Variants in STPG2 observed in about 807,000 individuals in gnomAD.
STPG2 encodes sperm tail PG-rich repeat containing 2.
STPG2 carries 56 observed loss-of-function variants against 54.2 expected under a neutral mutation model. The observed-to-expected ratio is 1.03, with a 90% CI of 0.83 to 1.29. STPG2 has a LOEUF of 1.29. STPG2 is among the 50% of genes most tolerant of loss of function. STPG2 has a pLI of 0.00. For synonymous variants in STPG2, 200 were observed against 181.8 expected (o/e 1.10, Z -0.81); for missense variants, 596 against 544.9 (o/e 1.09, Z -0.93).
rs370002134 is a variant in STPG2, at chr4:98,070,977, C to T, written c.612+34976G>A. ...TTCAATGCTATTCCCATTAAACTAC[C>T]ATTTACATGTTTAGGGGCTCTCTGG... On this transcript the variant is annotated intron_variant, in intron 5 of 10. Transcript: ENST00000295268. Among the ~76,000 whole-genome samples the T allele has an allele frequency of 1.2e-4, 18 of 152,058 alleles. 2 individuals are homozygous for T. The highest frequency in any genetic ancestry group is 7.9e-4 in the Admixed American group (12 of 15,258).
intron 8 of STPG2, among the ~76,000 whole-genome samples, chr4:97,851,685 T>C (rs995639327): frequency 9.9e-5 from 15 of 152,172 alleles, no homozygotes; most frequent in Admixed American, 7.2e-4. Context: ...GTACTAACTT[T>C]CACAAAATCA....
At chr4:97,891,679 C>T (rs116596177) in intron 8 of STPG2, among the ~76,000 whole-genome samples, 3 of 151,898 alleles carry the variant, frequency 2.0e-5, no homozygotes, top group Non-Finnish European at 4.4e-5. Flanking sequence ...GAAAAAAAAT[C>T]TTAAAGAAAA....
chr4:97,880,731 C>T (rs1455460856), intron 8 of STPG2, among the ~76,000 whole-genome samples: 1 of 151,916 alleles, frequency 6.6e-6, no homozygotes, highest in African/African-American at 2.4e-5. Flanking sequence ...AGCATTTTTG[C>T]ATTTTTGCAT....
At chr4:97,753,695 T>G (rs913723637) in intron 9 of STPG2, among the ~76,000 whole-genome samples, 1 of 152,036 alleles carries the variant, frequency 6.6e-6, no homozygotes, top group African/African-American at 2.4e-5. Flanking sequence ...ATTTTCCATT[T>G]TTTGTATTAT....
chr4:97,562,195 T>C (rs1732270877), intron 10 of STPG2, among the ~76,000 whole-genome samples: 1 of 152,174 alleles, frequency 6.6e-6, no homozygotes, highest in South Asian at 2.1e-4. Context: ...TTTATTCTCT[T>C]TGAAGCAATT....
chr4:97,741,028 G>A (rs11097578), intron 9 of STPG2, among the ~76,000 whole-genome samples: 59,006 of 151,810 alleles, frequency 0.39, 11,601 homozygotes, highest in Middle Eastern at 0.45. Flanking sequence ...TAGATCAATG[G>A]AACAGAACAG....
chr4:97,712,609 A>G (rs1380551655), intron 10 of STPG2, 90 bp downstream of exon 10: 4 of 833,740 alleles, frequency 4.8e-6, no homozygotes, highest in Non-Finnish European at 6.8e-6. Context: ...AATAAAATAT[A>G]TGGAAAGGAC....
chr4:98,113,839 T>G (rs905718768), intron 3 of STPG2, among the ~76,000 whole-genome samples: 1 of 151,996 alleles, frequency 6.6e-6, no homozygotes, highest in Admixed American at 6.6e-5. Flanking sequence ...TACACTACTT[T>G]GGAATTCCTA....
intron 8 of STPG2, among the ~76,000 whole-genome samples, chr4:97,922,769 A>G (rs941751533): frequency 9.2e-5 from 14 of 152,338 alleles, no homozygotes; most frequent in African/African-American, 3.1e-4. Flanking sequence ...ATAGGCTTCT[A>G]CATTCTGGAA....
At chr4:97,689,602 A>G (rs1261184510) in intron 10 of STPG2, among the ~76,000 whole-genome samples, 3 of 152,152 alleles carry the variant, frequency 2.0e-5, no homozygotes, top group Non-Finnish European at 4.4e-5. Context: ...TTGGAAGAAA[A>G]CAAATGTTAA....
chr4:97,890,809 A>G (rs891943677), intron 8 of STPG2, among the ~76,000 whole-genome samples: 4 of 152,024 alleles, frequency 2.6e-5, no homozygotes, highest in Non-Finnish European at 5.9e-5. Flanking sequence ...AATATGTGCA[A>G]CTACTACATA....
intron 8 of STPG2, among the ~76,000 whole-genome samples, chr4:97,912,004 G>A (rs190323895): frequency 2.6e-5 from 4 of 152,272 alleles, no homozygotes; most frequent in Admixed American, 2.0e-4. Context: ...TCTTTACTGT[G>A]TTGTAATCTC....
At chr4:98,117,797 T>A (rs1560687198) in intron 3 of STPG2, among the ~76,000 whole-genome samples, 1 of 152,114 alleles carries the variant, frequency 6.6e-6, no homozygotes, top group African/African-American at 2.4e-5. Context: ...TATCTCTTTA[T>A]TGATGCTCTC....
At chr4:97,820,304 T>C (rs1728043983) in intron 9 of STPG2, among the ~76,000 whole-genome samples, 1 of 152,114 alleles carries the variant, frequency 6.6e-6, no homozygotes, top group African/African-American at 2.4e-5. Context: ...CCAGCCTCTC[T>C]ATTCCATAAG....
At chr4:97,714,483 T>C (rs1471433753) in intron 9 of STPG2, among the ~76,000 whole-genome samples, 1 of 152,094 alleles carries the variant, frequency 6.6e-6, no homozygotes, top group African/African-American at 2.4e-5. Context: ...ATTTTTAATA[T>C]TAGTTCAATT....
At chr4:97,593,741 G>C (rs983952440) in intron 10 of STPG2, among the ~76,000 whole-genome samples, 1 of 152,070 alleles carries the variant, frequency 6.6e-6, no homozygotes, top group Non-Finnish European at 1.5e-5. Context: ...AAGCACTTTA[G>C]CGAGCACTAC....
intron 4 of STPG2, among the ~76,000 whole-genome samples, chr4:97,491,847 G>T (rs912508806): frequency 6.6e-6 from 1 of 151,534 alleles, no homozygotes; most frequent in Non-Finnish European, 1.5e-5. Flanking sequence ...AACATGATCA[G>T]ATTTGCAAAG....
At chr4:97,732,004 C>G (rs1233186945) in intron 9 of STPG2, among the ~76,000 whole-genome samples, 1 of 152,124 alleles carries the variant, frequency 6.6e-6, no homozygotes, top group Non-Finnish European at 1.5e-5. Flanking sequence ...GGCAGCCAGG[C>G]AGGGTCCTTG....
intron 7 of STPG2, among the ~76,000 whole-genome samples, chr4:97,948,412 A>G (rs1183319282): frequency 1.3e-5 from 2 of 151,958 alleles, no homozygotes; most frequent in Admixed American, 1.3e-4. Flanking sequence ...TTTTGTTCAA[A>G]TACATGTAGT....
Sources: gnomAD v4.1 joint callset for allele counts (sites outside exome capture counted in the v4.1 genomes callset) on GRCh38, gnomAD v4.1.1 for gene constraint, MANE v1.5 for transcripts, NCBI Gene and HGNC (gene_info 2026-07-23, HGNC 2026-07-21) for gene names.